Variants in PRKN observed in about 807,000 individuals in gnomAD.
PRKN encodes parkin RBR E3 ubiquitin protein ligase, also known as E3 ubiquitin-protein ligase parkin.
PRKN carries 56 observed loss-of-function variants against 59.5 expected under a neutral mutation model. That is an observed-to-expected ratio of 0.94 (90% CI 0.76 to 1.18). PRKN has a LOEUF of 1.18. Among genes scored for constraint, PRKN ranks in the 50% most tolerant of loss-of-function variants. The probability of loss-of-function intolerance (pLI) is 0.00; values close to 1 mark genes in which losing one functional copy is unlikely to be tolerated. For synonymous variants in PRKN, 250 were observed against 222.1 expected (o/e 1.13, Z -1.12); for missense variants, 657 against 596.4 (o/e 1.10, Z -1.06).
chr6:161,466,663 C>A lies in PRKN; in HGVS notation c.1084-79786G>T, dbSNP rs1236870097. On this transcript the variant is annotated intron_variant, in intron 9 of 11. Transcript: ENST00000366898. The surrounding 1 kb of genome is among the most constrained non-coding windows in gnomAD (Gnocchi z 5.0). ...CACTCAAAGTAACAGGAGGGCCTAA[C>A]CTTAAATAAATATGCAGCCATACTG... Among the ~76,000 whole-genome samples, 3 of 152,182 alleles carry A rather than the reference C, an allele frequency of 2.0e-5. No homozygotes were observed. The highest frequency in any genetic ancestry group is 4.4e-5 in the Non-Finnish European group (3 of 68,038).
chr6:162,443,845 C>T (rs1220064725), intron 1 of PRKN, among the ~76,000 whole-genome samples: 5 of 152,090 alleles, frequency 3.3e-5, no homozygotes. Flanking sequence ...ACACTCCCTC[C>T]ACAGTGACCC....
intron 9 of PRKN, among the ~76,000 whole-genome samples, chr6:161,481,693 A>G (rs1368154983): frequency 6.6e-6 from 1 of 152,192 alleles, no homozygotes; most frequent in African/African-American, 2.4e-5. Flanking sequence ...TAGGTAGTGA[A>G]TCTGGTAATT....
At chr6:161,771,673 T>A (rs1158925783) in intron 7 of PRKN, among the ~76,000 whole-genome samples, 1 of 152,202 alleles carries the variant, frequency 6.6e-6, no homozygotes, top group Non-Finnish European at 1.5e-5. Flanking sequence ...TGATGGAACA[T>A]GTGAGATCAC....
At chr6:162,407,925 A>G (rs906346822) in intron 2 of PRKN, among the ~76,000 whole-genome samples, 3 of 151,942 alleles carry the variant, frequency 2.0e-5, no homozygotes, top group African/African-American at 7.3e-5. Flanking sequence ...CACATTTTAA[A>G]GTTTGGGTTC....
rs56395129 is a variant in PRKN at position 162,719,894 on chromosome 6, CAAAAAAAAAAAAAA to C, written c.7+7754_7+7767del. Among the ~76,000 whole-genome samples, 325 of 144,024 alleles carry C rather than the reference CAAAAAAAAAAAAAA, an allele frequency of 2.3e-3. 1 individual carries two copies. The highest frequency in any genetic ancestry group is 6.5e-3 in the African/African-American group (260 of 39,780). The allele number at this position is 144,024 out of a possible 152,430, so 94.5% of individuals were successfully genotyped here. A position where few individuals can be genotyped will look rare whatever the true frequency, so the allele number is the denominator to read the frequency against. Reference sequence around the variant, plus strand: ...GAAAAGAGGGAGTGCAGGTAGATGTCAAAAAAAAAAAAAAAAAAAAAAAAACTAAAGGTTGACCT... The same window carrying C: ...GAAAAGAGGGAGTGCAGGTAGATGTCAAAAAAAAAAACTAAAGGTTGACCT... On this transcript the variant is annotated intron_variant, in intron 1 of 11. Transcript: ENST00000366898.
intron 5 of PRKN, among the ~76,000 whole-genome samples, chr6:162,013,909 A>G (rs1782830101): frequency 6.6e-6 from 1 of 152,116 alleles, no homozygotes; most frequent in African/African-American, 2.4e-5. Flanking sequence ...TTGAAATACT[A>G]TTAAGTTCAT....
chr6:161,867,870 C>T (rs936350406), intron 6 of PRKN, among the ~76,000 whole-genome samples: 17 of 151,872 alleles, frequency 1.1e-4, no homozygotes, highest in Non-Finnish European at 1.9e-4. Context: ...AAGCGATTCT[C>T]CTGCCTCAGC....
Position 161,463,283 on chromosome 6 carries a change from C to T in PRKN, c.1084-76406G>A, listed in dbSNP as rs750436891. 1.3e-5 allele frequency among the ~76,000 whole-genome samples: 2 copies of T among 152,158 alleles called. No homozygotes were observed. The highest frequency in any genetic ancestry group is 2.9e-5 in the Non-Finnish European group (2 of 68,024). Reference sequence around the variant, plus strand: ...CTCCTGACCCCTCCTCCCTTGTTACCAAGGATGCCAAAACTTTCCCAGCTT... The same window carrying T: ...CTCCTGACCCCTCCTCCCTTGTTACTAAGGATGCCAAAACTTTCCCAGCTT... On this transcript the variant is annotated intron_variant, in intron 9 of 11. Coordinates refer to ENST00000366898, the MANE Select transcript of PRKN (RefSeq NM_004562.3). This position sits in a 1 kb window ranked among gnomAD's most constrained non-coding sequence, Gnocchi z 4.8.
chr6:161,722,264 ATT>A lies in PRKN; in HGVS notation c.871+63506_871+63507del, dbSNP rs566939995. ...GCCCCCAGCATACAAATATCATAAT[ATT>A]TTTGTGTGCATTGATTTTTACGTAA... On this transcript the variant is annotated intron_variant, in intron 7 of 11. Coordinates refer to ENST00000366898, the MANE Select transcript of PRKN (RefSeq NM_004562.3). 3.1e-3 allele frequency among the ~76,000 whole-genome samples: 479 copies of A among 152,272 alleles called. 2 individuals are homozygous for A. The highest frequency in any genetic ancestry group is 6.8e-3 in the Middle Eastern group (2 of 294).
intron 4 of PRKN, among the ~76,000 whole-genome samples, chr6:162,093,748 T>G (rs1779609861): frequency 6.6e-6 from 1 of 152,100 alleles, no homozygotes; most frequent in Non-Finnish European, 1.5e-5. Context: ...GCATTTGCTT[T>G]AAACCCCCCG....
chr6:161,568,881 G>A (rs1287305728), intron 8 of PRKN, among the ~76,000 whole-genome samples: 3 of 151,454 alleles, frequency 2.0e-5, no homozygotes, highest in Non-Finnish European at 4.4e-5. Context: ...ACTTCAAATG[G>A]TCACCCTTTG....
intron 1 of PRKN, among the ~76,000 whole-genome samples, chr6:162,702,117 G>T (rs915495260): frequency 6.6e-6 from 1 of 152,016 alleles, no homozygotes. Flanking sequence ...TGTTCTACAA[G>T]ATTAAATTAG....
chr6:161,441,572 G>C (rs1162524408), intron 9 of PRKN, among the ~76,000 whole-genome samples: 1 of 151,622 alleles, frequency 6.6e-6, no homozygotes, highest in Non-Finnish European at 1.5e-5. Flanking sequence ...TTGAACCTGG[G>C]AGGTGGAGGT....
chr6:162,183,223 T>C lies in PRKN; in HGVS notation c.534+17908A>G, dbSNP rs78379337. 1.7e-3 allele frequency among the ~76,000 whole-genome samples: 260 copies of C among 152,186 alleles called. 1 individual carries two copies. The highest frequency in any genetic ancestry group is 6.1e-3 in the African/African-American group (255 of 41,526). On this transcript the variant is annotated intron_variant, in intron 4 of 11. Coordinates refer to ENST00000366898, the MANE Select transcript of PRKN (RefSeq NM_004562.3). Reference sequence around the variant, plus strand: ...CATTGGAAGGTGGCTGCTATTCAGATAGGGAAGATGTAAGAGGATGGAGAA... The same window carrying C: ...CATTGGAAGGTGGCTGCTATTCAGACAGGGAAGATGTAAGAGGATGGAGAA...
chr6:162,003,207 CAAAAAAA>C lies in PRKN; in HGVS notation c.619-29797_619-29791del, dbSNP rs60792069. ...TTCCCCCAAATTGGGAGGTTGTTGA[CAAAAAAA>C]AAAAAAAAAAAAATTTGGACATGTC... On this transcript the variant is annotated intron_variant, in intron 5 of 11. Coordinates refer to ENST00000366898, the MANE Select transcript of PRKN (RefSeq NM_004562.3). Among the ~76,000 whole-genome samples, 12 of 124,988 alleles carry C rather than the reference CAAAAAAA, an allele frequency of 9.6e-5. No individual in the cohort carries two copies. In the South Asian group the frequency reaches 2.1e-3, roughly 22 times the overall value. 82.0% of individuals were successfully genotyped at this position (124,988 alleles called of 152,430 possible).
At chr6:161,517,087 T>C (rs1051362477) in intron 9 of PRKN, among the ~76,000 whole-genome samples, 25 of 152,162 alleles carry the variant, frequency 1.6e-4, no homozygotes, top group Non-Finnish European at 1.5e-5. Flanking sequence ...GGTTTTGTAA[T>C]TGCCTTGGGA....
chr6:162,682,595 C>A (rs904030054), intron 1 of PRKN, among the ~76,000 whole-genome samples: 1 of 151,978 alleles, frequency 6.6e-6, no homozygotes, highest in South Asian at 2.1e-4. Context: ...GGTACTGGGG[C>A]CTACTTGAGG....
intron 1 of PRKN, among the ~76,000 whole-genome samples, chr6:162,459,304 G>A (rs968585907): frequency 2.6e-5 from 4 of 152,036 alleles, no homozygotes; most frequent in South Asian, 2.1e-4. Context: ...ACTGAAAACA[G>A]AAGTTATAAA....
chr6:161,398,347 G>A (rs1012300618), intron 9 of PRKN, among the ~76,000 whole-genome samples: 1 of 152,068 alleles, frequency 6.6e-6, no homozygotes, highest in African/African-American at 2.4e-5. Context: ...TCACAGCACT[G>A]GCTCTAGTTA....
Sources: gnomAD v4.1 joint callset for allele counts (sites outside exome capture counted in the v4.1 genomes callset) on GRCh38, gnomAD v4.1.1 for gene constraint, Gnocchi (gnomAD v3.1) non-coding constraint, MANE v1.5 for transcripts, NCBI Gene and HGNC (gene_info 2026-07-23, HGNC 2026-07-21) for gene names.